XRCC5: variants seen among roughly 807,000 people sequenced by gnomAD.
XRCC5 encodes DNA repair protein Ku80.
A neutral mutation model predicts 95.7 loss-of-function variants in XRCC5; 12 were observed. The observed-to-expected ratio is 0.13, with a 90% CI of 0.08 to 0.20. XRCC5 has a LOEUF of 0.20. XRCC5 is among the 10% of genes least tolerant of loss of function. The probability of loss-of-function intolerance (pLI) is 1.00; values close to 1 mark genes in which losing one functional copy is unlikely to be tolerated. For synonymous variants in XRCC5, 281 were observed against 290.3 expected (o/e 0.97, Z 0.33); for missense variants, 595 against 873.9 (o/e 0.68, Z 4.02).
rs973439725 is a variant in XRCC5 at position 216,149,595 on chromosome 2, C to T, written c.1670+1319C>T. ...CCTTGCTGAAGTCTCACTGCAATCA[C>T]AGGGCTATTCTCTCTCTGTGTGTTA... On this transcript the variant is annotated intron_variant, in intron 14 of 20. Transcript: ENST00000392132. Among the ~76,000 whole-genome samples the T allele has an allele frequency of 3.8e-5, 5 of 132,054 alleles. No homozygotes were observed. The South Asian group carries it at 7.8e-4, about 21-fold the overall frequency. 86.6% of individuals were successfully genotyped at this position (132,054 alleles called of 152,430 possible).
rs1178680048 is a variant in XRCC5, at chr2:216,194,962, T to C, written c.2085T>C (p.Ser695=). Reference sequence around the variant, plus strand: ...CCAAAGAGGAAGCCTCTGGAAGTTCTGTCACAGCTGAGGAAGCCAAAAAGG... The same window carrying C: ...CCAAAGAGGAAGCCTCTGGAAGTTCCGTCACAGCTGAGGAAGCCAAAAAGG... ...LITKEEASGS[S]VTAEEAKKFL... is the part of the protein sequence containing the mutation. Residue 695 remains serine (S), a synonymous_variant, in exon 19 of 21, where the codon TCT becomes TCC. Coordinates refer to ENST00000392132, the MANE Select transcript of XRCC5 (RefSeq NM_021141.4). The C allele has an allele frequency of 1.2e-6, 2 of 1,614,096 alleles. No individual in the cohort carries two copies. Among genetic ancestry groups the C allele is most frequent in the African/African-American group, 2.7e-5 (2 of 74,948 alleles).
At chr2:216,175,682 A>G (rs1689258088) in intron 16 of XRCC5, 4 of 420,292 alleles carry the variant, frequency 9.5e-6, no homozygotes, top group Non-Finnish European at 1.8e-5. Flanking sequence ...GCTTTACAGA[A>G]TCCTCTCTAG....
rs557930005 is a variant in XRCC5, at chr2:216,158,314, C to CT, written c.1671-1753dup. On this transcript the variant is annotated intron_variant, in intron 14 of 20. Coordinates refer to ENST00000392132, the MANE Select transcript of XRCC5 (RefSeq NM_021141.4). ...AGAGAGGTTTGTAGCTTACTAGACTCTAAACTCTAGATAGATAAAAATTAG... is the reference window on the plus strand; with the variant it reads ...AGAGAGGTTTGTAGCTTACTAGACTCTTAAACTCTAGATAGATAAAAATTAG... Among the ~76,000 whole-genome samples, 155 of 152,264 alleles carry CT rather than the reference C, an allele frequency of 1.0e-3. 6 individuals are homozygous for CT. In the South Asian group the frequency reaches 0.029, roughly 29 times the overall value.
chr2:216,135,789 ACT>A (rs967995538), intron 10 of XRCC5, among the ~76,000 whole-genome samples: 7 of 140,342 alleles, frequency 5.0e-5, no homozygotes, highest in South Asian at 2.2e-4. Context: ...ACAGAGTGAG[ACT>A]CTGTCTCAAA....
chr2:216,151,470 G>T (rs1002776345), intron 14 of XRCC5, among the ~76,000 whole-genome samples: 1 of 152,174 alleles, frequency 6.6e-6, no homozygotes, highest in Non-Finnish European at 1.5e-5. Flanking sequence ...ACTCTCAGCA[G>T]ACATCCTCAC....
At chr2:216,127,742 G>A in intron 8 of XRCC5, 68 bp downstream of exon 8, 1 of 1,467,454 alleles carries the variant, frequency 6.8e-7, no homozygotes, top group South Asian at 1.4e-5. Flanking sequence ...ATGCAGGCTG[G>A]GGTTTGTATT....
chr2:216,130,790 T>G (rs1696983261), intron 8 of XRCC5, 85 bp from the exon 9 acceptor site: 1 of 802,432 alleles, frequency 1.2e-6, no homozygotes. Flanking sequence ...TGTGCGTGTG[T>G]TGTTAATGTA....
rs199906807 is a variant in XRCC5, at chr2:216,155,443, C to CA, written c.1671-4616dup. ...TAGTAATCAGAAATGTAAATCAAAG[C>CA]AAAAAAAAACATTGGCAAATATTTT... is the stretch of plus-strand genomic sequence containing the variant. On this transcript the variant is annotated intron_variant, in intron 14 of 20. Coordinates refer to ENST00000392132, the MANE Select transcript of XRCC5 (RefSeq NM_021141.4). Among the ~76,000 whole-genome samples, 27 of 148,712 alleles carry CA rather than the reference C, an allele frequency of 1.8e-4. No individual in the cohort carries two copies. In the South Asian group the frequency reaches 2.3e-3, roughly 13 times the overall value.
chr2:216,132,415 G>T, intron 10 of XRCC5, 28 bp downstream of exon 10: 1 of 1,609,990 alleles, frequency 6.2e-7, no homozygotes, highest in Non-Finnish European at 8.5e-7. Flanking sequence ...CTTTGAGGTA[G>T]TGCTACAGAA....
chr2:216,147,955 T>C, intron 13 of XRCC5, 128 bp from the exon 14 acceptor site: 1 of 1,013,264 alleles, frequency 9.9e-7, no homozygotes. Context: ...ATCCTCTTGA[T>C]TGTTTTTTAC....
chr2:216,109,894 TAA>T (rs1044912413), intron 1 of XRCC5, among the ~76,000 whole-genome samples: 6 of 152,178 alleles, frequency 3.9e-5, no homozygotes, highest in Non-Finnish European at 8.8e-5. Flanking sequence ...TTGTAAAACT[TAA>T]GAGAGGGACT....
intron 9 of XRCC5, chr2:216,131,271 A>G: frequency 7.1e-6 from 7 of 984,990 alleles, no homozygotes; most frequent in Non-Finnish European, 8.4e-6. Flanking sequence ...TGTGGGCCTA[A>G]CCCTCATCCC....
At chr2:216,149,349 A>G (rs1688700046) in intron 14 of XRCC5, among the ~76,000 whole-genome samples, 2 of 152,240 alleles carry the variant, frequency 1.3e-5, no homozygotes, top group South Asian at 4.1e-4. Context: ...CGCCCCCCAT[A>G]AGACCATCTC....
intron 16 of XRCC5, among the ~76,000 whole-genome samples, chr2:216,179,236 A>G (rs940598266): frequency 2.0e-5 from 3 of 152,236 alleles, no homozygotes; most frequent in Admixed American, 1.3e-4. Context: ...CATTACTGTA[A>G]TCTCTCCTTC....
intron 10 of XRCC5, among the ~76,000 whole-genome samples, chr2:216,134,117 A>C (rs1244158436): frequency 6.6e-6 from 1 of 152,244 alleles, no homozygotes; most frequent in Non-Finnish European, 1.5e-5. Context: ...GTAAGTTTAC[A>C]ATAAAAGTCT....
intron 16 of XRCC5, among the ~76,000 whole-genome samples, chr2:216,163,397 C>T (rs1173861280): frequency 6.6e-6 from 1 of 152,100 alleles, no homozygotes; most frequent in African/African-American, 2.4e-5. Flanking sequence ...CTTACTGCAG[C>T]CTTCACCCTG....
intron 10 of XRCC5, among the ~76,000 whole-genome samples, chr2:216,134,281 T>G (rs76170706): frequency 0.014 from 2,071 of 152,318 alleles, 53 homozygotes; most frequent in African/African-American, 0.048. Context: ...AATCTATACT[T>G]TCATGTGCTG....
chr2:216,129,285 CTG>C (rs1404325490), intron 8 of XRCC5, among the ~76,000 whole-genome samples: 1 of 152,218 alleles, frequency 6.6e-6, no homozygotes, highest in African/African-American at 2.4e-5. Context: ...ATCTTTTCTC[CTG>C]TCCTCCAGTT....
chr2:216,155,259 A>C (rs1197677625), intron 14 of XRCC5, among the ~76,000 whole-genome samples: 1 of 150,250 alleles, frequency 6.7e-6, no homozygotes, highest in Non-Finnish European at 1.5e-5. Context: ...AAAAAAAGAC[A>C]AGGAACTAAT....
Sources: allele counts gnomAD v4.1 joint callset (sites outside exome capture counted in the v4.1 genomes callset), GRCh38; gene constraint gnomAD v4.1.1; transcripts MANE v1.5; gene names NCBI Gene and HGNC (gene_info 2026-07-23, HGNC 2026-07-21).